The following CDH23 variants were observed in gnomAD, a reference collection of about 807,000 sequenced individuals.
The protein encoded by CDH23 is cadherin-23.
In CDH23, 189 loss-of-function variants were observed where a neutral mutation model predicts 317.1. That is an observed-to-expected ratio of 0.60 (90% CI 0.53 to 0.67). The LOEUF is 0.67. Among genes scored for constraint, CDH23 ranks in the 30% least tolerant of loss-of-function variants. The pLI is 0.00. For synonymous variants in CDH23, 1,839 were observed against 1,876.8 expected (o/e 0.98, Z 0.52); for missense variants, 4,401 against 4,592.4 (o/e 0.96, Z 1.20).
intron 38 of CDH23, among the ~76,000 whole-genome samples, chr10:71,774,172 T>C (rs1231925307): frequency 6.6e-6 from 1 of 151,814 alleles, no homozygotes; most frequent in Non-Finnish European, 1.5e-5. Context: ...CCTGTTGGCG[T>C]GCCCCACAGC....
Position 71,744,295 on chromosome 10 carries a change from C to T in CDH23, c.4845+2374C>T, listed in dbSNP as rs556389248. 8.5e-5 allele frequency among the ~76,000 whole-genome samples: 13 copies of T among 152,248 alleles called. No individual in the cohort carries two copies. The South Asian group carries it at 2.1e-3, about 24-fold the overall frequency. On this transcript the variant is annotated intron_variant, in intron 38 of 69. Transcript: ENST00000224721. ...GCCAGTCAACGCACCACCCCCACTC[C>T]CCACCCACACTCCAACCCCCACAGT...
intron 14 of CDH23, among the ~76,000 whole-genome samples, chr10:71,667,109 G>A (rs1341223459): frequency 1.3e-5 from 2 of 152,232 alleles, no homozygotes; most frequent in African/African-American, 2.4e-5. Flanking sequence ...TGGGACCCAG[G>A]GCTGCTGCGG....
At chr10:71,671,048 T>G (rs1308483082) in intron 14 of CDH23, among the ~76,000 whole-genome samples, 1 of 150,980 alleles carries the variant, frequency 6.6e-6, no homozygotes, top group African/African-American at 2.4e-5. Context: ...CAACCTCCGC[T>G]TCCCAGGTTC....
intron 1 of CDH23, among the ~76,000 whole-genome samples, chr10:71,421,953 C>G (rs1848840065): frequency 6.6e-6 from 1 of 151,940 alleles, no homozygotes; most frequent in African/African-American, 2.4e-5. Context: ...CCTTATTAAC[C>G]AAGTTGTCCA....
At chr10:71,665,799 C>A (rs556016173) in intron 14 of CDH23, among the ~76,000 whole-genome samples, 1 of 152,348 alleles carries the variant, frequency 6.6e-6, no homozygotes, top group African/African-American at 2.4e-5. Flanking sequence ...CATGACTTTG[C>A]ACCTGGCCAC....
In CDH23 at chr10:71,566,772, G is replaced by A. The variant is rs199741966; in HGVS notation, c.460G>A (p.Val154Met). The A allele has an allele frequency of 4.0e-5, 65 of 1,609,566 alleles. No individual in the cohort carries two copies. The Admixed American group carries it at 6.2e-4, about 15-fold the overall frequency. The change falls in exon 7 of 70, where the codon GTG becomes ATG. Residue 154 changes from valine (V) to methionine (M), a missense_variant. Around this residue, in one of 3 missense-constraint regions of CDH23, gnomAD observed 3,068 missense variants for 3,203.3 expected, o/e 0.96. Transcript: ENST00000224721. ...NTPVGTPIFI[V>M]NATDPDLGAG... is the part of the protein sequence containing the mutation. ...ACCAGTGGGGACGCCCATCTTCATC[G>A]TGAATGCCACAGACCCCGACTTGGG...
intron 6 of CDH23, among the ~76,000 whole-genome samples, chr10:71,523,283 G>A (rs1308727855): frequency 6.6e-6 from 1 of 152,190 alleles, no homozygotes; most frequent in Non-Finnish European, 1.5e-5. Flanking sequence ...AGAACTGATT[G>A]TTTTTTCCTT....
In CDH23 at chr10:71,790,269, C is replaced by T. The variant is rs1841211188; in HGVS notation, c.5924-19C>T. ...GGGGCTGGGTTGGTCTTGTGGTGACCCCTCTCCTTCTGGCCCAGGCACCCC... is the reference window on the plus strand; with the variant it reads ...GGGGCTGGGTTGGTCTTGTGGTGACTCCTCTCCTTCTGGCCCAGGCACCCC... On this transcript the variant is annotated intron_variant, in intron 45 of 69. Transcript: ENST00000224721. 1.2e-6 allele frequency: 2 copies of T among 1,613,008 alleles called. No homozygotes were observed. The highest frequency in any genetic ancestry group is 2.2e-5 in the East Asian group (1 of 44,888).
intron 3 of CDH23, among the ~76,000 whole-genome samples, chr10:71,482,921 T>C (rs904139060): frequency 6.6e-6 from 1 of 152,204 alleles, no homozygotes; most frequent in Non-Finnish European, 1.5e-5. Context: ...TGCCCATTAA[T>C]CTGTAGAGCA....
chr10:71,577,804 C>T, intron 8 of CDH23, 110 bp from the exon 9 acceptor site: 1 of 901,322 alleles, frequency 1.1e-6, no homozygotes, highest in Middle Eastern at 2.2e-4. Flanking sequence ...CCTGGGTTGC[C>T]CTTGCAGCCA....
intron 2 of CDH23, among the ~76,000 whole-genome samples, chr10:71,441,605 G>A (rs1017845123): frequency 1.1e-4 from 16 of 151,974 alleles, no homozygotes; most frequent in East Asian, 3.9e-4. Context: ...ACTTGTAGTC[G>A]CAGCTACTTG....
rs551955254 is a variant in CDH23, at chr10:71,725,257, C to A, written c.3431-115C>A. 69 of 1,517,730 alleles carry A rather than the reference C, an allele frequency of 4.5e-5. No individual in the cohort carries two copies. In the African/African-American group the frequency reaches 7.9e-4, roughly 17 times the overall value. 94.0% of individuals were successfully genotyped at this position (1,517,730 alleles called of 1,614,324 possible). A position where few individuals can be genotyped will look rare whatever the true frequency, so the allele number is the denominator to read the frequency against. ...TGAATTCTGTGTCCCAGAAGACCCG[C>A]AGCCTCCTCACAAGGAGGGGACTGG... is the stretch of plus-strand genomic sequence containing the variant. On this transcript the variant is annotated intron_variant, in intron 29 of 69. Transcript: ENST00000224721.
At position 71,677,456 on chromosome 10, in the gene CDH23, G is replaced by T; in HGVS notation, c.1515G>T (p.Arg505Ser). 1 of 1,603,122 alleles carries T rather than the reference G, an allele frequency of 6.2e-7. No individual in the cohort carries two copies. Among genetic ancestry groups the T allele is most frequent in the Non-Finnish European group, 8.5e-7 (1 of 1,174,082 alleles). Residue 505 changes from arginine to serine, a missense_variant and splice_region_variant, in exon 16 of 70, where the codon AGG becomes AGT. Transcript: ENST00000224721. ...TCTCCATCCTCTCGGCCTGGCACAG[G>T]TTCTCGCTGGACAAGGACACGGGAC... ...VSYFFSDDPD[R>S]FSLDKDTGLI...
Position 71,687,649 on chromosome 10 carries a change from T to A in CDH23, c.1989T>A (p.Asp663Glu). 1 of 1,613,770 alleles carries A rather than the reference T, an allele frequency of 6.2e-7. No individual in the cohort carries two copies. Among genetic ancestry groups the A allele is most frequent in the South Asian group, 1.1e-5 (1 of 91,070 alleles). Residue 663 changes from aspartate (D) to glutamate (E), a missense_variant and splice_region_variant, in exon 19 of 70, where the codon GAT becomes GAA. By Grantham distance (45) the Asp-to-Glu change is conservative. Transcript: ENST00000224721. Reference sequence around the variant, plus strand: ...CAACCTGTCTGTGTTCCTTCCAGGATGAGAATGACAACCCTCCCACCTTCA... The same window carrying A: ...CAACCTGTCTGTGTTCCTTCCAGGAAGAGAATGACAACCCTCCCACCTTCA... ...STVPVTIEVF[D>E]ENDNPPTFSK...
At chr10:71,809,113 T>G (rs528267033) in intron 60 of CDH23, among the ~76,000 whole-genome samples, 1 of 152,054 alleles carries the variant, frequency 6.6e-6, no homozygotes, top group East Asian at 1.9e-4. Context: ...AAGAGAAGAC[T>G]ATGCTGTACC....
Position 71,759,131 on chromosome 10 carries a change from G to A in CDH23, c.4845+17210G>A, listed in dbSNP as rs534582838. Among the ~76,000 whole-genome samples, 27 of 151,910 alleles carry A rather than the reference G, an allele frequency of 1.8e-4. No individual in the cohort carries two copies. The South Asian group carries it at 5.4e-3, about 30-fold the overall frequency. ...CGGCTCACTGTAACCTCTGACTCCC[G>A]GGTTCAAGCGATTCTCTTGCCTCAG... On this transcript the variant is annotated intron_variant, in intron 38 of 69. Transcript: ENST00000224721.
Position 71,446,476 on chromosome 10 carries a change from T to A in CDH23, c.145+81T>A, listed in dbSNP as rs1307624176. 4 of 1,380,388 alleles carry A rather than the reference T, an allele frequency of 2.9e-6. No individual in the cohort carries two copies. The East Asian group carries it at 9.2e-5, about 32-fold the overall frequency. The allele number at this position is 1,380,388 out of a possible 1,614,324, so 85.5% of individuals were successfully genotyped here. A position where few individuals can be genotyped will look rare whatever the true frequency, so the allele number is the denominator to read the frequency against. ...CCACAAGTGAAGGGGATCTTACAGGTTGAGGTCATCTTCCACCTGATTTTG... is the reference window on the plus strand; with the variant it reads ...CCACAAGTGAAGGGGATCTTACAGGATGAGGTCATCTTCCACCTGATTTTG... On this transcript the variant is annotated intron_variant, in intron 3 of 69. Coordinates refer to ENST00000224721, the MANE Select transcript of CDH23 (RefSeq NM_022124.6).
At position 71,799,537 on chromosome 10, in the gene CDH23, G is replaced by A; in HGVS notation, c.7270G>A (p.Val2424Ile). ...DVPVGTIILT[V>I]TATDADSGNF... is the part of the protein sequence containing the mutation. ...GCCTGTGGGCACAATCATCCTGACA[G>A]TCACTGCCACTGATGCTGACTCAGG... The change falls in exon 52 of 70, where the codon GTC becomes ATC. Residue 2424 changes from valine (V) to isoleucine (I), a missense_variant. Physicochemically the swap from Val to Ile is conservative, Grantham distance 29 (BLOSUM62 3). This residue lies in a region of CDH23 where 189 missense variants were observed against 250.9 expected (regional missense o/e 0.75). Coordinates refer to ENST00000224721, the MANE Select transcript of CDH23 (RefSeq NM_022124.6). The A allele has an allele frequency of 6.2e-7, 1 of 1,614,084 alleles. No individual in the cohort carries two copies. Among genetic ancestry groups the A allele is most frequent in the Non-Finnish European group, 8.5e-7 (1 of 1,179,916 alleles).
chr10:71,587,962 G>T (rs943685786), intron 9 of CDH23, among the ~76,000 whole-genome samples: 3 of 152,244 alleles, frequency 2.0e-5, no homozygotes, highest in African/African-American at 7.2e-5. Context: ...TGGTTACAAA[G>T]ATATTAAGCC....
Sources: gnomAD v4.1 joint callset for allele counts (sites outside exome capture counted in the v4.1 genomes callset) on GRCh38, gnomAD v4.1.1 for gene constraint, gnomAD v4.1.1 regional missense constraint, MANE v1.5 for transcripts, NCBI Gene and HGNC (gene_info 2026-07-23, HGNC 2026-07-21) for gene names.